The following C12orf50 variants were observed in gnomAD, a reference collection of about 807,000 sequenced individuals.
The protein encoded by C12orf50 is zinc finger CCCH-type containing 11D.
A neutral mutation model predicts 61.6 loss-of-function variants in C12orf50; 35 were observed. That is an observed-to-expected ratio of 0.57 (90% CI 0.43 to 0.75). The LOEUF (loss-of-function observed/expected upper bound fraction) is 0.75, where lower values mean the gene tolerates loss of function less well. C12orf50 is among the 30% of genes least tolerant of loss of function. The pLI, the probability that C12orf50 is intolerant of heterozygous loss-of-function variation, is 0.00. For synonymous variants in C12orf50, 178 were observed against 161.5 expected, an observed-to-expected ratio of 1.10 and a Z score of -0.77; for missense variants, 475 against 488.5, an observed-to-expected ratio of 0.97 and a Z score of 0.26.
At chr12:88,003,689 C>T (rs2031741487) in intron 3 of C12orf50, among the ~76,000 whole-genome samples, 1 of 152,016 alleles carries the variant, frequency 6.6e-6, no homozygotes, top group South Asian at 2.1e-4. Flanking sequence ...TACTGGGGTT[C>T]TATTATATGC....
chr12:88,007,339 C>A (rs181674210), intron 3 of C12orf50, among the ~76,000 whole-genome samples: 92 of 151,410 alleles, frequency 6.1e-4, no homozygotes, highest in Admixed American at 5.8e-3. Flanking sequence ...AATATTAGAA[C>A]AACCTGCTCG....
intron 8 of C12orf50, among the ~76,000 whole-genome samples, chr12:87,988,853 C>A (rs1267132635): frequency 6.6e-6 from 1 of 152,062 alleles, no homozygotes; most frequent in Non-Finnish European, 1.5e-5. Context: ...TGTATTTTAT[C>A]ATATCTCTTG....
At chr12:87,992,600 A>G (rs1051918836) in intron 7 of C12orf50, among the ~76,000 whole-genome samples, 1 of 152,112 alleles carries the variant, frequency 6.6e-6, no homozygotes, top group African/African-American at 2.4e-5. Context: ...AAAGAATCCA[A>G]ACTAAGAGTT....
chr12:87,980,422 C>A, intron 12 of C12orf50, 66 bp from the exon 13 acceptor site: 1 of 1,353,792 alleles, frequency 7.4e-7, no homozygotes, highest in South Asian at 1.2e-5. Flanking sequence ...TTTTGTTCTT[C>A]TTTTGCTAAT....
chr12:87,985,929 T>C lies in C12orf50; in HGVS notation c.1047A>G (p.Ala349=). ...CATGCGTGGGCCTGCTGCGGGAAGG[T>C]GCATTCAACGCGACAGTCCTGACAG... ...RDAVRTVALN[A]PSRSRPTHGS... is the part of the protein sequence containing the mutation. The change falls in exon 11 of 13, where the codon GCA becomes GCG. Residue 349 remains alanine (A), a synonymous_variant. Coordinates refer to ENST00000298699, the MANE Select transcript of C12orf50 (RefSeq NM_152589.3). 6.2e-7 allele frequency: 1 copy of C among 1,613,834 alleles called. No homozygotes were observed.
chr12:87,996,463 G>A lies in C12orf50; in HGVS notation c.392C>T (p.Pro131Leu), dbSNP rs1356679681. The A allele has an allele frequency of 6.2e-7, 1 of 1,612,652 alleles. No individual in the cohort carries two copies. The highest frequency in any genetic ancestry group is 8.5e-7 in the Non-Finnish European group (1 of 1,179,066). Residue 131 changes from proline to leucine, a missense_variant, in exon 6 of 13, where the codon CCT becomes CTT. Transcript: ENST00000298699. Reference sequence around the variant, plus strand: ...GCTTTTTGATGACAAAATATCTGGAGGAGTATGAAATCTGTAGTATTCCCC... The same window carrying A: ...GCTTTTTGATGACAAAATATCTGGAAGAGTATGAAATCTGTAGTATTCCCC... ...KSGEYYRFHT[P>L]PDILSSKSMT...
intron 3 of C12orf50, among the ~76,000 whole-genome samples, chr12:88,002,918 T>C (rs2031710089): frequency 6.6e-6 from 1 of 151,794 alleles, no homozygotes; most frequent in South Asian, 2.1e-4. Flanking sequence ...TAATTTAACA[T>C]CAGTGAGATA....
chr12:87,995,558 C>G (rs889959572), intron 6 of C12orf50, among the ~76,000 whole-genome samples: 2 of 152,092 alleles, frequency 1.3e-5, no homozygotes, highest in African/African-American at 4.8e-5. Context: ...TAGGAATTAA[C>G]CAAAACTATT....
intron 9 of C12orf50, 113 bp from the exon 10 acceptor site, chr12:87,986,529 A>T (rs1356256326): frequency 3.0e-6 from 2 of 666,530 alleles, no homozygotes; most frequent in African/African-American, 1.9e-5. Flanking sequence ...AGGAAAAAAT[A>T]AATGCACCAT....
chr12:88,017,082 T>C (rs1261897356), intron 3 of C12orf50, among the ~76,000 whole-genome samples: 1 of 152,216 alleles, frequency 6.6e-6, no homozygotes, highest in African/African-American at 2.4e-5. Context: ...AAAGCAAGTA[T>C]ACAGTATGAT....
At chr12:87,995,309 A>G (rs1447793636) in intron 6 of C12orf50, among the ~76,000 whole-genome samples, 3 of 152,206 alleles carry the variant, frequency 2.0e-5, no homozygotes, top group African/African-American at 4.8e-5. Flanking sequence ...AAGCACATTA[A>G]TGGCATAATT....
At chr12:87,985,497 A>G (rs931619631) in intron 11 of C12orf50, 1 of 224,512 alleles carries the variant, frequency 4.5e-6, no homozygotes, top group Non-Finnish European at 8.7e-6. Flanking sequence ...CTAGCCTGAC[A>G]GTGAAAATTG....
At chr12:88,007,432 AATTT>A (rs1477070836) in intron 3 of C12orf50, among the ~76,000 whole-genome samples, 1 of 152,220 alleles carries the variant, frequency 6.6e-6, no homozygotes, top group Non-Finnish European at 1.5e-5. Flanking sequence ...AAACAACAGA[AATTT>A]ATTTATCACA....
chr12:88,014,591 G>T (rs1171750640), intron 3 of C12orf50, among the ~76,000 whole-genome samples: 1 of 152,126 alleles, frequency 6.6e-6, no homozygotes, highest in African/African-American at 2.4e-5. Context: ...GAGCCACCGC[G>T]CCTGGCTGAG....
intron 8 of C12orf50, 80 bp from the exon 9 acceptor site, chr12:87,988,046 A>C (rs1015827625): frequency 1.2e-6 from 1 of 806,064 alleles, no homozygotes; most frequent in Non-Finnish European, 2.0e-6. Flanking sequence ...CACTATTCAA[A>C]CATTACATAA....
chr12:87,994,105 CAGGAGAAT>C (rs553134318), intron 7 of C12orf50, among the ~76,000 whole-genome samples: 2 of 152,030 alleles, frequency 1.3e-5, no homozygotes, highest in Non-Finnish European at 2.9e-5. Flanking sequence ...GAGGCTGAGG[CAGGAGAAT>C]AGCTTGAACT....
intron 3 of C12orf50, among the ~76,000 whole-genome samples, chr12:88,013,137 T>A (rs2032175320): frequency 6.6e-6 from 1 of 151,974 alleles, no homozygotes; most frequent in African/African-American, 2.4e-5. Flanking sequence ...ATCAGATTTT[T>A]AAAAAGAGAT....
At chr12:88,026,727 A>G in intron 2 of C12orf50, 119 bp from the exon 3 acceptor site, 1 of 1,375,702 alleles carries the variant, frequency 7.3e-7, no homozygotes, top group Admixed American at 2.2e-5. Flanking sequence ...ATTTAGGATC[A>G]TGTGTGTCTT....
At chr12:87,985,653 A>G (rs2030770434) in intron 11 of C12orf50, 197 bp downstream of exon 11, 2 of 621,272 alleles carry the variant, frequency 3.2e-6, no homozygotes, top group South Asian at 2.0e-5. Flanking sequence ...TGCACACAAC[A>G]TGAGTTTTCT....
Sources: gnomAD v4.1 joint callset for allele counts (sites outside exome capture counted in the v4.1 genomes callset) on GRCh38, gnomAD v4.1.1 for gene constraint, MANE v1.5 for transcripts, NCBI Gene and HGNC (gene_info 2026-07-23, HGNC 2026-07-21) for gene names.